The following HHIPL1 variants were observed in gnomAD, a reference collection of about 807,000 sequenced individuals.
The protein encoded by HHIPL1 is HHIP-like protein 1.
Under a neutral mutation model 61.8 loss-of-function variants are expected in HHIPL1, and 43 were observed. The ratio of observed to expected loss-of-function variants is 0.70; its 90% confidence interval spans 0.55 to 0.90. The LOEUF is 0.90. Ranked by LOEUF, HHIPL1 falls within the 40% of genes least tolerant of loss-of-function variation. The pLI, the probability that HHIPL1 is intolerant of heterozygous loss-of-function variation, is 0.00. For missense variants in HHIPL1, 1,056 were observed against 1,157.7 expected, an observed-to-expected ratio of 0.91 and a Z score of 1.28; for synonymous variants, 482 against 515.8, an observed-to-expected ratio of 0.93 and a Z score of 0.89.
chr14:99,643,063 CAG>C (rs1234209156), upstream of HHIPL1, among the ~76,000 whole-genome samples: 1 of 151,718 alleles, frequency 6.6e-6, no homozygotes, highest in Non-Finnish European at 1.5e-5. Flanking sequence ...TTTTTTGAGA[CAG>C]AGTCTCGCTC....
At chr14:99,636,742 CT>C in the HHIPL1 span, among the ~76,000 whole-genome samples, 4 of 152,016 alleles carry the variant, frequency 2.6e-5, no homozygotes, top group South Asian at 8.3e-4. Flanking sequence ...AATGTCAGCA[CT>C]TTGGGAGGCC....
upstream of HHIPL1, among the ~76,000 whole-genome samples, chr14:99,644,420 AT>A (rs2055793371): frequency 8.7e-6 from 1 of 114,410 alleles, no homozygotes; most frequent in Non-Finnish European, 1.6e-5. Context: ...GTGCCATGAG[AT>A]TCTGGGGTAG....
In HHIPL1 at chr14:99,679,834, C is replaced by G. The variant is rs1021823270; in HGVS notation, c.*4208C>G. On this transcript the variant is annotated 3_prime_UTR_variant, in exon 9 of 9. Transcript: ENST00000330710. Reference sequence around the variant, plus strand: ...AGGAGGGGCATGCCACGTGAAGGACCAGCATCAGAATGACATGGGAAGAAA... The same window carrying G: ...AGGAGGGGCATGCCACGTGAAGGACGAGCATCAGAATGACATGGGAAGAAA... The G allele has an allele frequency of 6.6e-6, 1 of 152,258 alleles. No individual in the cohort carries two copies. The highest frequency in any genetic ancestry group is 1.5e-5 in the Non-Finnish European group (1 of 68,062). 9.4% of individuals were successfully genotyped at this position (152,258 alleles called of 1,614,324 possible). A position where few individuals can be genotyped will look rare whatever the true frequency, so the allele number is the denominator to read the frequency against.
Position 99,652,557 on chromosome 14 carries a change from G to A in HHIPL1, c.589G>A (p.Val197Met), listed in dbSNP as rs145984890. 130 of 1,613,004 alleles carry A rather than the reference G, an allele frequency of 8.1e-5. No homozygotes were observed. Among genetic ancestry groups the A allele is most frequent in the East Asian group, 1.3e-4 (6 of 44,884 alleles). Residue 197 changes from valine to methionine, a missense_variant, in exon 2 of 9, where the codon GTG (valine) becomes ATG (methionine). Coordinates refer to ENST00000330710, the MANE Select transcript of HHIPL1 (RefSeq NM_001127258.3). ...EEVANGLRNP[V>M]AMVHARDGTH... ...GGTGGCCAACGGGCTGCGCAACCCC[G>A]TGGCCATGGTCCATGCCAGGGATGG...
chr14:99,639,506 A>C, the HHIPL1 span, among the ~76,000 whole-genome samples: 2 of 151,556 alleles, frequency 1.3e-5, no homozygotes, highest in African/African-American at 4.9e-5. Context: ...CACCACACCC[A>C]GCTAATGTTT....
chr14:99,616,784 A>T, the HHIPL1 span, among the ~76,000 whole-genome samples: 14 of 152,380 alleles, frequency 9.2e-5, no homozygotes, highest in African/African-American at 3.1e-4. Context: ...CTAGAGGACC[A>T]CAGAATGATC....
At chr14:99,656,644 C>T (rs993259502) in intron 2 of HHIPL1, among the ~76,000 whole-genome samples, 19 of 151,376 alleles carry the variant, frequency 1.3e-4, no homozygotes, top group African/African-American at 2.2e-4. Context: ...GGCATGGTGG[C>T]GGGCACCTGT....
At chr14:99,643,624 C>T (rs1040046963), upstream of HHIPL1, among the ~76,000 whole-genome samples, 9 of 152,176 alleles carry the variant, frequency 5.9e-5, no homozygotes, top group East Asian at 3.8e-4. Context: ...GGGAAGTAGG[C>T]GCCATCGTGC....
intron 3 of HHIPL1, 64 bp downstream of exon 3, chr14:99,657,207 C>G: frequency 1.3e-6 from 2 of 1,550,378 alleles, no homozygotes; most frequent in South Asian, 1.2e-5. Flanking sequence ...TCATACTCTT[C>G]CAGAGGGTGA....
chr14:99,672,319 G>A lies in HHIPL1; in HGVS notation c.1733G>A (p.Arg578Gln), dbSNP rs916785648. ...AACCTCCTGTGTGTCGTTGGCAGGC[G>A]GGCACCACCTGGCAAATGTCAGATC... ...VVYKIIDASR[R>Q]APPGKCQIQP... The change falls in exon 8 of 9, where the codon CGG becomes CAG. Residue 578 changes from arginine (R) to glutamine (Q), a missense_variant and splice_region_variant. Physicochemically the swap from Arg to Gln is conservative, Grantham distance 43. Coordinates refer to ENST00000330710, the MANE Select transcript of HHIPL1 (RefSeq NM_001127258.3). The A allele has an allele frequency of 2.1e-5, 33 of 1,550,958 alleles. No individual in the cohort carries two copies. Among genetic ancestry groups the A allele is most frequent in the Middle Eastern group, 1.7e-4 (1 of 6,014 alleles).
Position 99,652,774 on chromosome 14 carries a change from A to G in HHIPL1, c.806A>G (p.Tyr269Cys), listed in dbSNP as rs975373651. The G allele has an allele frequency of 1.2e-6, 2 of 1,613,846 alleles. No homozygotes were observed. The highest frequency in any genetic ancestry group is 1.6e-4 in the Middle Eastern group (1 of 6,084). ...SFQHNRRLYV[Y>C]YSVGIRSSEW... ...CAGCACAACCGCAGGCTCTACGTCT[A>G]CTACTCAGTGGGTATCCGCAGCAGT... Residue 269 changes from tyrosine to cysteine, a missense_variant, in exon 2 of 9, where the codon TAC (tyrosine) becomes TGC (cysteine). Transcript: ENST00000330710.
the HHIPL1 span, among the ~76,000 whole-genome samples, chr14:99,617,026 G>C: frequency 1.3e-5 from 2 of 152,320 alleles, no homozygotes; most frequent in East Asian, 1.9e-4. Context: ...CTTCCTGGGG[G>C]GCCGAGAAGT....
chr14:99,630,857 G>A, the HHIPL1 span, among the ~76,000 whole-genome samples: 1 of 152,126 alleles, frequency 6.6e-6, no homozygotes, highest in Non-Finnish European at 1.5e-5. Flanking sequence ...GCCTATGGGG[G>A]CTGCTGGCAA....
rs1385206912 is a variant in HHIPL1 at position 99,675,512 on chromosome 14, C to T, written c.2235C>T (p.Cys745=). The T allele has an allele frequency of 3.9e-6, 6 of 1,542,712 alleles. No homozygotes were observed. In the East Asian group the frequency reaches 7.3e-5, roughly 19 times the overall value. ...CCATTCTGCTGGACGATGTGCGCTG[C>T]GCGGGCTGGGAGCGGAACCTGCTGG... ...SLPILLDDVR[C]AGWERNLLEC... Residue 745 remains cysteine, a synonymous_variant, in exon 9 of 9, where the codon TGC becomes TGT. Coordinates refer to ENST00000330710, the MANE Select transcript of HHIPL1 (RefSeq NM_001127258.3). This position sits in a 1 kb window ranked among gnomAD's most constrained non-coding sequence, Gnocchi z 5.4.
rs541490286 is a variant in HHIPL1 at position 99,652,286 on chromosome 14, G to A, written c.318G>A (p.Thr106=). The change falls in exon 2 of 9, where the codon ACG becomes ACA. Residue 106 remains threonine, a synonymous_variant. Transcript: ENST00000330710. ...DAEDPFTPLR[T]VPGLCQDYCL... Reference sequence around the variant, plus strand: ...AGGACCCATTCACGCCCCTGCGCACGGTGCCCGGGCTCTGCCAGGATTACT... The same window carrying A: ...AGGACCCATTCACGCCCCTGCGCACAGTGCCCGGGCTCTGCCAGGATTACT... 8 of 1,613,890 alleles carry A rather than the reference G, an allele frequency of 5.0e-6. No homozygotes were observed. Among genetic ancestry groups the A allele is most frequent in the African/African-American group, 2.7e-5 (2 of 75,060 alleles).
the HHIPL1 span, among the ~76,000 whole-genome samples, chr14:99,634,019 T>C: frequency 6.6e-6 from 1 of 152,078 alleles, no homozygotes; most frequent in Admixed American, 6.5e-5. Context: ...GGAGCAAAGC[T>C]GCCGTTCAGT....
chr14:99,618,454 C>G, the HHIPL1 span, among the ~76,000 whole-genome samples: 1 of 152,182 alleles, frequency 6.6e-6, no homozygotes, highest in Non-Finnish European at 1.5e-5. Context: ...CACTGGGCTC[C>G]ACACTGAGGG....
chr14:99,617,009 G>A, the HHIPL1 span, among the ~76,000 whole-genome samples: 1 of 152,160 alleles, frequency 6.6e-6, no homozygotes, highest in Non-Finnish European at 1.5e-5. Context: ...ACCCAGGAAG[G>A]AGGATCCTTC....
chr14:99,605,504 C>T, the HHIPL1 span, among the ~76,000 whole-genome samples: 1 of 152,204 alleles, frequency 6.6e-6, no homozygotes, highest in Admixed American at 6.5e-5. Context: ...TTTACAGTTG[C>T]TAAGCCGTTC....
Sources: allele counts gnomAD v4.1 joint callset (sites outside exome capture counted in the v4.1 genomes callset), GRCh38; gene constraint gnomAD v4.1.1; non-coding constraint Gnocchi (gnomAD v3.1); transcripts MANE v1.5; gene names NCBI Gene and HGNC (gene_info 2026-07-23, HGNC 2026-07-21).